The following NMBR variants were observed in gnomAD, a reference collection of about 807,000 sequenced individuals.
NMBR encodes neuromedin-B receptor.
In NMBR, 16 loss-of-function variants were observed where a neutral mutation model predicts 20.5. That is an observed-to-expected ratio of 0.78 (90% confidence interval 0.53 to 1.19). The LOEUF (loss-of-function observed/expected upper bound fraction) is 1.19. Ranked by LOEUF, NMBR falls within the 50% of genes most tolerant of loss-of-function variation. NMBR has a pLI of 0.00. For missense variants in NMBR, 582 were observed against 499.1 expected (o/e 1.17, Z -1.58); for synonymous variants, 212 against 196.6 (o/e 1.08, Z -0.65).
chr6:142,131,804 A>G (rs1003823239), intron 1 of NMBR, among the ~76,000 whole-genome samples: 5 of 152,202 alleles, frequency 3.3e-5, no homozygotes, highest in African/African-American at 9.6e-5. Flanking sequence ...AGACAATTCT[A>G]TACACCCCTG....
rs141190379 is a variant in NMBR at position 142,078,890 on chromosome 6, C to A, written c.436G>T (p.Val146Phe). 1 of 1,609,534 alleles carries A rather than the reference C, an allele frequency of 6.2e-7. No homozygotes were observed. Among genetic ancestry groups the A allele is most frequent in the East Asian group, 2.2e-5 (1 of 44,760 alleles). The change falls in exon 3 of 4, where the codon GTT (valine) becomes TTT (phenylalanine). Residue 146 changes from valine (V) to phenylalanine (F), a missense_variant. Transcript: ENST00000258042. ...ALSADRYRAI[V>F]NPMDMQTSGA... ...GACGTCTGCATGTCCATGGGGTTAA[C>A]GATGGCTCTGTACCTGGGAAAATGA...
chr6:142,131,863 A>G (rs537447833), intron 1 of NMBR, among the ~76,000 whole-genome samples: 1 of 152,314 alleles, frequency 6.6e-6, no homozygotes, highest in East Asian at 1.9e-4. Flanking sequence ...TATACAGTTG[A>G]CTAAACAATA....
chr6:142,082,640 G>C (rs1777122154), intron 2 of NMBR, among the ~76,000 whole-genome samples: 1 of 152,172 alleles, frequency 6.6e-6, no homozygotes, highest in Non-Finnish European at 1.5e-5. Context: ...TGTTTTAAGA[G>C]AGTTGTGTGC....
At chr6:142,120,403 T>C (rs2745470) in intron 1 of NMBR, among the ~76,000 whole-genome samples, 53,840 of 151,622 alleles carry the variant, frequency 0.36, 10,760 homozygotes, top group Middle Eastern at 0.52. Context: ...CAGAGATCAA[T>C]GTTGGAGGAA....
At chr6:142,115,946 C>T (rs1028255783) in intron 1 of NMBR, among the ~76,000 whole-genome samples, 2 of 151,960 alleles carry the variant, frequency 1.3e-5, no homozygotes, top group African/African-American at 4.8e-5. Context: ...GGGAGGAACC[C>T]GGTGGGAGGT....
chr6:142,123,576 C>A (rs772729137), intron 1 of NMBR, among the ~76,000 whole-genome samples: 1 of 151,892 alleles, frequency 6.6e-6, no homozygotes, highest in Non-Finnish European at 1.5e-5. Context: ...TGGCTGACTT[C>A]ATTGTCTTAT....
intron 1 of NMBR, among the ~76,000 whole-genome samples, chr6:142,123,262 GA>G (rs1425133087): frequency 6.6e-6 from 1 of 151,938 alleles, no homozygotes; most frequent in Non-Finnish European, 1.5e-5. Flanking sequence ...ATTAGAATTA[GA>G]AGTGGGGGGC....
At chr6:142,120,192 A>G (rs568428575) in intron 1 of NMBR, among the ~76,000 whole-genome samples, 2 of 152,014 alleles carry the variant, frequency 1.3e-5, no homozygotes, top group South Asian at 4.1e-4. Flanking sequence ...CAACTAGATG[A>G]TTGGACAAAA....
intron 1 of NMBR, among the ~76,000 whole-genome samples, chr6:142,099,423 T>G (rs1777518060): frequency 6.6e-6 from 1 of 152,124 alleles, no homozygotes; most frequent in Non-Finnish European, 1.5e-5. Flanking sequence ...CTTCACATGG[T>G]GGCCGAAAAG....
intron 1 of NMBR, among the ~76,000 whole-genome samples, chr6:142,126,350 G>C (rs1778038258): frequency 6.6e-6 from 1 of 151,480 alleles, no homozygotes; most frequent in Non-Finnish European, 1.5e-5. Flanking sequence ...GGCTATTGTT[G>C]AATCAGGCTG....
At chr6:142,093,125 T>A (rs1777362266) in intron 1 of NMBR, among the ~76,000 whole-genome samples, 2 of 152,038 alleles carry the variant, frequency 1.3e-5, no homozygotes, top group Admixed American at 1.3e-4. Flanking sequence ...CCTGATGGTA[T>A]CTTAGAACAA....
intron 1 of NMBR, among the ~76,000 whole-genome samples, chr6:142,139,078 C>T (rs1408625733): frequency 6.6e-6 from 1 of 152,142 alleles, no homozygotes; most frequent in African/African-American, 2.4e-5. Flanking sequence ...TGCTGGTTGA[C>T]TGTGGTGGTG....
intron 1 of NMBR, among the ~76,000 whole-genome samples, chr6:142,137,106 T>C (rs1397367025): frequency 2.6e-5 from 4 of 152,194 alleles, no homozygotes; most frequent in African/African-American, 4.8e-5. Flanking sequence ...ATTTTCACGA[T>C]ATTGATTCTT....
chr6:142,092,073 C>T (rs935378088), intron 1 of NMBR, among the ~76,000 whole-genome samples: 3 of 152,004 alleles, frequency 2.0e-5, no homozygotes, highest in Non-Finnish European at 2.9e-5. Context: ...GGCAAGTATA[C>T]TCGCTATTAT....
At chr6:142,109,438 A>AAAAT (rs1777719740) in intron 1 of NMBR, among the ~76,000 whole-genome samples, 1 of 152,048 alleles carries the variant, frequency 6.6e-6, no homozygotes, top group Non-Finnish European at 1.5e-5. Flanking sequence ...ATTTCTCCAA[A>AAAAT]AAATATATAT....
Position 142,143,606 on chromosome 6 carries a change from G to C in NMBR, c.-664+3438C>G, listed in dbSNP as rs533544127. ...TTTAAGTGGAAAAATAAACCATGTC[G>C]AGTAAGGCTTGGCAGTCTTACTCAT... On this transcript the variant is annotated intron_variant, in intron 1 of 3. Transcript: ENST00000258042. Among the ~76,000 whole-genome samples the C allele has an allele frequency of 3.0e-4, 45 of 152,254 alleles. 1 individual carries two copies. The South Asian group carries it at 9.3e-3, about 31-fold the overall frequency.
chr6:142,088,571 G>GGAA lies in NMBR; in HGVS notation c.85_87dup (p.Phe29dup), dbSNP rs1562234971. On this transcript the variant is annotated inframe_insertion, in exon 2 of 4. Coordinates refer to ENST00000258042, the MANE Select transcript of NMBR (RefSeq NM_002511.4). Reference sequence around the variant, plus strand: ...GTGGTGGTCCCGTCCGAGGCCGGCAGGAAATCCCTTTCCCACCCCTCGGGA... The same window carrying GGAA: ...GTGGTGGTCCCGTCCGAGGCCGGCAGGAAGAAATCCCTTTCCCACCCCTCGGGA... 6.2e-7 allele frequency: 1 copy of GGAA among 1,613,756 alleles called. No homozygotes were observed.
At chr6:142,126,261 C>CTCTCTCTCTCTG (rs763551613) in intron 1 of NMBR, among the ~76,000 whole-genome samples, 9 of 149,170 alleles carry the variant, frequency 6.0e-5, no homozygotes, top group South Asian at 2.1e-4. Flanking sequence ...CTCTCTCTCT[C>CTCTCTCTCTCTG]TGTGTGTGTG....
chr6:142,095,006 T>C (rs1039309420), intron 1 of NMBR, among the ~76,000 whole-genome samples: 1 of 152,210 alleles, frequency 6.6e-6, no homozygotes, highest in African/African-American at 2.4e-5. Context: ...TGATTTTGTA[T>C]CCTGAGAATT....
Sources: allele counts gnomAD v4.1 joint callset (sites outside exome capture counted in the v4.1 genomes callset), GRCh38; gene constraint gnomAD v4.1.1; transcripts MANE v1.5; gene names NCBI Gene and HGNC (gene_info 2026-07-23, HGNC 2026-07-21).